The following SHROOM2 variants were observed in gnomAD, a reference collection of about 807,000 sequenced individuals.
SHROOM2 encodes the protein protein Shroom2.
SHROOM2 carries 33 observed loss-of-function variants against 75.9 expected under a neutral mutation model. The ratio of observed to expected loss-of-function variants is 0.43; its 90% CI spans 0.33 to 0.58. The LOEUF (loss-of-function observed/expected upper bound fraction) is 0.58. Ranked by LOEUF, SHROOM2 falls within the 20% of genes least tolerant of loss-of-function variation. SHROOM2 has a pLI of 0.04. For missense variants in SHROOM2, 1,434 were observed against 1,461.2 expected (o/e 0.98, Z 0.30); for synonymous variants, 655 against 663.6 (o/e 0.99, Z 0.20).
chrX:9,854,818 A>C (rs2084058382), intron 1 of SHROOM2, among the ~76,000 whole-genome samples: 1 of 110,350 alleles, frequency 9.1e-6, no homozygotes, highest in African/African-American at 3.3e-5. Context: ...GGTCAGGAGA[A>C]ACAGAAACAC....
At chrX:9,877,468 G>A (rs2084207207) in intron 2 of SHROOM2, among the ~76,000 whole-genome samples, 1 of 111,635 alleles carries the variant, frequency 9.0e-6, no homozygotes, top group Admixed American at 9.5e-5. Context: ...CAGGCGGTTT[G>A]TTGTTCTGTC....
At chrX:9,942,751 G>A (rs2084783426) in intron 8 of SHROOM2, among the ~76,000 whole-genome samples, 1 of 111,396 alleles carries the variant, frequency 9.0e-6, no homozygotes, top group Non-Finnish European at 1.9e-5. Flanking sequence ...CTTTTATGGA[G>A]CCTTCATTGG....
At position 9,805,077 on chromosome X, in the gene SHROOM2, T is replaced by TA. The variant is rs757393138; in HGVS notation, c.165+18381dup. Among the ~76,000 whole-genome samples, 692 of 95,543 alleles carry TA rather than the reference T, an allele frequency of 7.2e-3. 7 individuals carry two copies. Among genetic ancestry groups the TA allele is most frequent in the African/African-American group, 0.021 (549 of 26,163 alleles). 83.0% of individuals were successfully genotyped at this position (95,543 alleles called of 115,157 possible). A position where few individuals can be genotyped will look rare whatever the true frequency, so the allele number is the denominator to read the frequency against. ...AACATGGTGAGACCCTCATGTCTAC[T>TA]AAAAAAAAAAAAAATACAAAAGTTA... On this transcript the variant is annotated intron_variant, in intron 1 of 9. Coordinates refer to ENST00000380913, the MANE Select transcript of SHROOM2 (RefSeq NM_001649.4).
At chrX:9,877,216 C>T (rs774490184) in intron 2 of SHROOM2, among the ~76,000 whole-genome samples, 3 of 111,757 alleles carry the variant, frequency 2.7e-5, no homozygotes, top group African/African-American at 6.5e-5. Flanking sequence ...AGGAGACAGG[C>T]GGATCACTAT....
In SHROOM2 at chrX:9,826,249, C is replaced by T. The variant is rs151274439; in HGVS notation, c.165+39539C>T. 2.4e-3 allele frequency among the ~76,000 whole-genome samples: 273 copies of T among 112,317 alleles called. 2 individuals carry two copies. Among genetic ancestry groups the T allele is most frequent in the African/African-American group, 8.2e-3 (253 of 30,937 alleles). On this transcript the variant is annotated intron_variant, in intron 1 of 9. Transcript: ENST00000380913. Reference sequence around the variant, plus strand: ...TGCACATTGGAATTTGCAAGCGGGTCTGTGGTCATCCGAAGTTGTGCTCTT... The same window carrying T: ...TGCACATTGGAATTTGCAAGCGGGTTTGTGGTCATCCGAAGTTGTGCTCTT...
chrX:9,878,001 C>A (rs138674514), intron 2 of SHROOM2, among the ~76,000 whole-genome samples: 6,190 of 111,585 alleles, frequency 0.055, 400 homozygotes, highest in African/African-American at 0.19. Context: ...ACAGAGTCAT[C>A]CATTTTTCTC....
Position 9,817,880 on chromosome X carries a change from T to C in SHROOM2, c.165+31170T>C, listed in dbSNP as rs141772085. 8.0e-3 allele frequency among the ~76,000 whole-genome samples: 898 copies of C among 112,345 alleles called. 7 individuals carry two copies. The highest frequency in any genetic ancestry group is 0.028 in the African/African-American group (864 of 30,920). On this transcript the variant is annotated intron_variant, in intron 1 of 9. Transcript: ENST00000380913. ...TCAGGTGAAACGATGATGTAACATTTGAAAATGGAGCCAGATACTTCAGCT... is the reference window on the plus strand; with the variant it reads ...TCAGGTGAAACGATGATGTAACATTCGAAAATGGAGCCAGATACTTCAGCT...
intron 1 of SHROOM2, among the ~76,000 whole-genome samples, chrX:9,839,555 G>A (rs995674412): frequency 9.0e-6 from 1 of 111,409 alleles, no homozygotes; most frequent in Non-Finnish European, 1.9e-5. Context: ...GCACGGAGCT[G>A]CTTTCTGTCC....
intron 5 of SHROOM2, among the ~76,000 whole-genome samples, chrX:9,920,552 A>G (rs556799200): frequency 7.0e-4 from 79 of 112,653 alleles, no homozygotes; most frequent in African/African-American, 2.3e-3. Flanking sequence ...TAAAACTATT[A>G]TTGAGGTAAA....
At chrX:9,897,680 C>CAAAAAAAAAA (rs56026461) in intron 4 of SHROOM2, among the ~76,000 whole-genome samples, 9 of 70,571 alleles carry the variant, frequency 1.3e-4, no homozygotes, top group African/African-American at 4.8e-4. Context: ...GACCCTGTCT[C>CAAAAAAAAAA]AAAAAAAAAA....
chrX:9,847,940 A>G (rs776746937), intron 1 of SHROOM2, among the ~76,000 whole-genome samples: 8 of 111,754 alleles, frequency 7.2e-5, no homozygotes, highest in African/African-American at 2.3e-4. Flanking sequence ...CTCACTTGCT[A>G]TGCCCAGGGA....
In SHROOM2 at chrX:9,937,354, C is replaced by A. The variant is rs758372078; in HGVS notation, c.3808C>A (p.Pro1270Thr). 1 of 1,204,021 alleles carries A rather than the reference C, an allele frequency of 8.3e-7. No individual in the cohort carries two copies. The highest frequency in any genetic ancestry group is 1.1e-6 in the Non-Finnish European group (1 of 891,645). The part of the protein sequence containing the change: ...FCLYTRQGAE[P>T]EAPHRAQPAE... ...TCTGTACACGCGGCAGGGTGCTGAG[C>A]CCGAGGCCCCACATAGGGCCCAGCC... The change falls in exon 7 of 10, where the codon CCC becomes ACC. Residue 1270 changes from proline (P) to threonine (T), a missense_variant. This residue lies in a region of SHROOM2 where 1,340 missense variants were observed against 1,338.3 expected (regional missense o/e 1.00). Transcript: ENST00000380913.
At chrX:9,830,928 A>G (rs939095772) in intron 1 of SHROOM2, among the ~76,000 whole-genome samples, 11 of 111,941 alleles carry the variant, frequency 9.8e-5, no homozygotes, top group African/African-American at 3.6e-4. Flanking sequence ...CAAAGGCCAG[A>G]CATTAACACC....
chrX:9,791,397 G>A (rs1355157249), intron 1 of SHROOM2, among the ~76,000 whole-genome samples: 1 of 111,910 alleles, frequency 8.9e-6, no homozygotes, highest in African/African-American at 3.2e-5. Flanking sequence ...ACCTGGATTT[G>A]TGGCCAAGTT....
At position 9,946,758 on chromosome X, in the gene SHROOM2, A is replaced by G; in HGVS notation, c.4672A>G (p.Ile1558Val). ...GGAGAACCTGGACCGCCGCGAGCGC[A>G]TCGTCTTTGACATTTTGGCCAACTA... is the stretch of plus-strand genomic sequence containing the variant. ...LKENLDRRER[I>V]VFDILANYLS... is the part of the protein sequence containing the mutation. The change falls in exon 10 of 10, where the codon ATC becomes GTC. Residue 1558 changes from isoleucine to valine, a missense_variant. This residue lies in a region of SHROOM2 where 80 missense variants were observed against 88.4 expected (regional missense o/e 0.90). Transcript: ENST00000380913. 1 of 1,204,796 alleles carries G rather than the reference A, an allele frequency of 8.3e-7. No individual in the cohort carries two copies. Among genetic ancestry groups the G allele is most frequent in the Non-Finnish European group, 1.1e-6 (1 of 891,697 alleles).
chrX:9,820,776 G>C (rs1279389554), intron 1 of SHROOM2, among the ~76,000 whole-genome samples: 1 of 112,281 alleles, frequency 8.9e-6, no homozygotes, highest in East Asian at 2.8e-4. Context: ...ACATGGTCAG[G>C]ATATTTCTAA....
chrX:9,917,474 T>C (rs2084500398), intron 5 of SHROOM2, among the ~76,000 whole-genome samples: 1 of 109,482 alleles, frequency 9.1e-6, no homozygotes, highest in Non-Finnish European at 1.9e-5. Flanking sequence ...CCAAAGAGCT[T>C]CTCGGTCACC....
At chrX:9,882,178 CTTTTTTTT>C (rs386416608) in intron 2 of SHROOM2, among the ~76,000 whole-genome samples, 2 of 71,043 alleles carry the variant, frequency 2.8e-5, no homozygotes, top group Admixed American at 2.0e-4. Flanking sequence ...TCCCTTGTTG[CTTTTTTTT>C]TTTTTTTTTT....
At chrX:9,884,368 C>CTTTTTTTTTT (rs1181815816) in intron 2 of SHROOM2, among the ~76,000 whole-genome samples, 4 of 62,304 alleles carry the variant, frequency 6.4e-5, no homozygotes, top group Admixed American at 1.9e-4. Context: ...TTTTTCTTTT[C>CTTTTTTTTTT]TTTTTTTTTT....
Sources: allele counts gnomAD v4.1 joint callset (sites outside exome capture counted in the v4.1 genomes callset), GRCh38; gene constraint gnomAD v4.1.1; regional missense constraint gnomAD v4.1.1; transcripts MANE v1.5; gene names NCBI Gene and HGNC (gene_info 2026-07-23, HGNC 2026-07-21).